The following NFAM1 variants were observed in gnomAD, a reference collection of about 807,000 sequenced individuals.
NFAM1 encodes NFAT activating protein with ITAM motif 1.
NFAM1 carries 17 observed loss-of-function variants against 29.0 expected under a neutral mutation model. That is an observed-to-expected ratio of 0.59 (90% CI 0.40 to 0.88). The LOEUF (loss-of-function observed/expected upper bound fraction) is 0.88, where lower values mean the gene tolerates loss of function less well. Ranked by LOEUF, NFAM1 falls within the 40% of genes least tolerant of loss-of-function variation. NFAM1 has a pLI of 0.00. For missense variants in NFAM1, 324 were observed against 344.6 expected, an observed-to-expected ratio of 0.94 and a Z score of 0.47; for synonymous variants, 175 against 147.2, an observed-to-expected ratio of 1.19 and a Z score of -1.36.
chr22:42,432,038 C>CAA (rs1208150154), intron 1 of NFAM1, among the ~76,000 whole-genome samples, 199 bp downstream of exon 1: 1 of 152,186 alleles, frequency 6.6e-6, no homozygotes, highest in Non-Finnish European at 1.5e-5. Context: ...CCCTCCCCTT[C>CAA]AAAAGCCACC....
chr22:42,411,916 G>A (rs1402584644), intron 1 of NFAM1, among the ~76,000 whole-genome samples, 180 bp from the exon 2 acceptor site: 1 of 152,198 alleles, frequency 6.6e-6, no homozygotes, highest in Non-Finnish European at 1.5e-5. Context: ...TGGCCAACAT[G>A]GTGAAACCCC....
intron 3 of NFAM1, among the ~76,000 whole-genome samples, chr22:42,407,991 C>T (rs898452840): frequency 6.6e-6 from 1 of 150,490 alleles, no homozygotes; most frequent in Admixed American, 6.6e-5. Context: ...CAACCTCCGC[C>T]TCGCAGGTTC....
At chr22:42,425,154 C>G (rs1315957059) in intron 1 of NFAM1, among the ~76,000 whole-genome samples, 1 of 152,070 alleles carries the variant, frequency 6.6e-6, no homozygotes, top group Non-Finnish European at 1.5e-5. Context: ...AACTCCTGAC[C>G]TCAGGTGATC....
intron 5 of NFAM1, among the ~76,000 whole-genome samples, chr22:42,386,387 A>AC: frequency 6.9e-6 from 1 of 144,606 alleles, no homozygotes; most frequent in African/African-American, 2.7e-5. Flanking sequence ...ACAAAAACAA[A>AC]AACAAACAAA....
Position 42,409,889 on chromosome 22 carries a change from C to T in NFAM1, c.452-342G>A, listed in dbSNP as rs2413689. On this transcript the variant is annotated intron_variant, in intron 2 of 5. Coordinates refer to ENST00000329021, the MANE Select transcript of NFAM1 (RefSeq NM_145912.8). The surrounding 1 kb of genome is among the most constrained non-coding windows in gnomAD (Gnocchi z 4.9). ...TTCCCTGTGTGAGGTGGTGATAATA[C>T]GGGTGGATGTGGCTAGGGCTGAAGG... 0.21 allele frequency among the ~76,000 whole-genome samples: 32,070 copies of T among 152,080 alleles called. 4,513 individuals carry two copies. The highest frequency in any genetic ancestry group is 0.38 in the African/African-American group (15,599 of 41,458).
chr22:42,413,086 CG>C (rs1454437775), intron 1 of NFAM1, among the ~76,000 whole-genome samples: 3 of 152,222 alleles, frequency 2.0e-5, no homozygotes, highest in Non-Finnish European at 4.4e-5. Flanking sequence ...TCGGCTTTAG[CG>C]CTCCTGGGTT....
In NFAM1 at chr22:42,413,924, GGCA is replaced by G. The variant is rs1433584487; in HGVS notation, c.122-2191_122-2189del. The stretch of plus-strand genomic sequence containing the variant: ...AAAATATTAGCCAGGTGTGGTGGTG[GGCA>G]CCTGTAATCCCAGCTACTCAGGAGG... On this transcript the variant is annotated intron_variant, in intron 1 of 5. Coordinates refer to ENST00000329021, the MANE Select transcript of NFAM1 (RefSeq NM_145912.8). Among the ~76,000 whole-genome samples the G allele has an allele frequency of 3.3e-5, 5 of 152,186 alleles. No individual in the cohort carries two copies. The East Asian group carries it at 9.7e-4, about 29-fold the overall frequency.
At chr22:42,421,983 C>T (rs2146550641) in intron 1 of NFAM1, among the ~76,000 whole-genome samples, 1 of 152,298 alleles carries the variant, frequency 6.6e-6, no homozygotes, top group East Asian at 1.9e-4. Flanking sequence ...GGCCAAGTGG[C>T]TGGTGAGGGA....
In NFAM1 at chr22:42,420,622, C is replaced by T. The variant is rs1032677843; in HGVS notation, c.122-8886G>A. ...CTCTACTAAAAATACAAAAATTAGC[C>T]GGGTATGGTGGCAGGCGCCTGTGAT... On this transcript the variant is annotated intron_variant, in intron 1 of 5. Coordinates refer to ENST00000329021, the MANE Select transcript of NFAM1 (RefSeq NM_145912.8). 4.9e-4 allele frequency among the ~76,000 whole-genome samples: 74 copies of T among 151,732 alleles called. 1 individual carries two copies. Among genetic ancestry groups the T allele is most frequent in the Non-Finnish European group, 1.3e-4 (9 of 67,962 alleles).
At chr22:42,389,395 G>A (rs1353589972) in intron 4 of NFAM1, among the ~76,000 whole-genome samples, 1 of 152,208 alleles carries the variant, frequency 6.6e-6, no homozygotes, top group Non-Finnish European at 1.5e-5. Context: ...AGCAGCTGCT[G>A]AGTGAGGCCT....
At chr22:42,406,261 C>T (rs7291900) in intron 3 of NFAM1, among the ~76,000 whole-genome samples, 4,263 of 152,304 alleles carry the variant, frequency 0.028, 201 homozygotes, top group African/African-American at 0.099. Context: ...GCTTTGCTCA[C>T]CACTTCCCTG....
intron 3 of NFAM1, among the ~76,000 whole-genome samples, chr22:42,401,001 C>T (rs1422309653): frequency 6.6e-6 from 1 of 152,182 alleles, no homozygotes; most frequent in East Asian, 1.9e-4. Flanking sequence ...CTCCCTGGCC[C>T]TCCTACGCGC....
At chr22:42,407,346 T>C (rs1003479259) in intron 3 of NFAM1, among the ~76,000 whole-genome samples, 7 of 151,942 alleles carry the variant, frequency 4.6e-5, no homozygotes, top group Admixed American at 1.3e-4. Context: ...CCTCCCAAAG[T>C]GCCAGGATTA....
chr22:42,427,131 C>T (rs1930650102), intron 1 of NFAM1, among the ~76,000 whole-genome samples: 1 of 151,848 alleles, frequency 6.6e-6, no homozygotes, highest in South Asian at 2.1e-4. Flanking sequence ...ACCAGGCTCA[C>T]CCCGTCCCTT....
At chr22:42,407,273 G>A (rs1200315022) in intron 3 of NFAM1, among the ~76,000 whole-genome samples, 1 of 150,156 alleles carries the variant, frequency 6.7e-6, no homozygotes, top group Non-Finnish European at 1.5e-5. Context: ...GTAGAGATGG[G>A]GTTTTGCTAT....
chr22:42,390,899 G>T (rs1929317041), intron 4 of NFAM1, among the ~76,000 whole-genome samples: 1 of 151,808 alleles, frequency 6.6e-6, no homozygotes, highest in African/African-American at 2.4e-5. Context: ...AGCCAGCACA[G>T]AGGCCCAGGG....
rs746452110 is a variant in NFAM1 at position 42,409,402 on chromosome 22, G to C, written c.564+33C>G. 1.7e-6 allele frequency: 2 copies of C among 1,202,178 alleles called. No homozygotes were observed. The highest frequency in any genetic ancestry group is 3.4e-5 in the South Asian group (2 of 58,478). The allele number at this position is 1,202,178 out of a possible 1,614,324, so 74.5% of individuals were successfully genotyped here. On this transcript the variant is annotated intron_variant, in intron 3 of 5. Transcript: ENST00000329021. This position sits in a 1 kb window ranked among gnomAD's most constrained non-coding sequence, Gnocchi z 4.9. The stretch of plus-strand genomic sequence containing the variant: ...GGCAGCCGGTGGCGTGTCGGGTGGA[G>C]GGGCTGCATGGCTGTGAGCACTGAT...
rs1474789674 is a variant in NFAM1, at chr22:42,383,221, C to G, written c.*1940G>C. 1.3e-5 allele frequency: 2 copies of G among 153,024 alleles called. No individual in the cohort carries two copies. The highest frequency in any genetic ancestry group is 4.8e-5 in the African/African-American group (2 of 41,470). The allele number at this position is 153,024 out of a possible 1,614,324, so 9.5% of individuals were successfully genotyped here. On this transcript the variant is annotated 3_prime_UTR_variant, in exon 6 of 6. Transcript: ENST00000329021. ...TCTAGGAGCTGAGGTCAGAGAGGCC[C>G]AGGAGGTGGGGGAGGCAGGCCCAGT...
intron 1 of NFAM1, among the ~76,000 whole-genome samples, chr22:42,427,419 G>A (rs1019368859): frequency 8.5e-5 from 13 of 152,240 alleles, no homozygotes; most frequent in South Asian, 2.1e-4. Flanking sequence ...GTGGCATCGC[G>A]TCTCCACCCT....
Sources: allele counts gnomAD v4.1 joint callset (sites outside exome capture counted in the v4.1 genomes callset), GRCh38; gene constraint gnomAD v4.1.1; non-coding constraint Gnocchi (gnomAD v3.1); transcripts MANE v1.5; gene names NCBI Gene and HGNC (gene_info 2026-07-23, HGNC 2026-07-21).